TMEM232: variants seen among roughly 807,000 people sequenced by gnomAD.
TMEM232 encodes transmembrane protein 232.
TMEM232 carries 80 observed loss-of-function variants against 78.8 expected under a neutral mutation model. The observed-to-expected ratio is 1.01, with a 90% CI of 0.85 to 1.22. TMEM232 has a LOEUF of 1.22. TMEM232 is among the 50% of genes most tolerant of loss of function. The probability of loss-of-function intolerance (pLI) is 0.00; values close to 1 mark genes in which losing one functional copy is unlikely to be tolerated. For missense variants in TMEM232, 881 were observed against 742.2 expected, an observed-to-expected ratio of 1.19 and a Z score of -2.17; for synonymous variants, 297 against 254.3, an observed-to-expected ratio of 1.17 and a Z score of -1.60.
At chr5:110,728,938 G>C (rs1798414520), upstream of TMEM232, among the ~76,000 whole-genome samples, 1 of 150,854 alleles carries the variant, frequency 6.6e-6, no homozygotes, top group African/African-American at 2.4e-5. Context: ...AGGCTGGAGT[G>C]CAATGGAGCG....
chr5:110,601,644 G>A (rs10064325), intron 10 of TMEM232, among the ~76,000 whole-genome samples: 2 of 152,030 alleles, frequency 1.3e-5, no homozygotes, highest in Admixed American at 1.3e-4. Context: ...GGAAATAAGA[G>A]AGGACACAAA....
chr5:110,440,736 A>G (rs1249987508), intron 12 of TMEM232, among the ~76,000 whole-genome samples: 1 of 152,176 alleles, frequency 6.6e-6, no homozygotes, highest in Non-Finnish European at 1.5e-5. Context: ...ACTTTTCCTC[A>G]GTGTATTGAG....
At chr5:110,394,894 C>T (rs1460051096) in intron 3 of TMEM232, among the ~76,000 whole-genome samples, 2 of 152,220 alleles carry the variant, frequency 1.3e-5, no homozygotes, top group East Asian at 1.9e-4. Context: ...TGCTCTTGCT[C>T]CCCTTCAAGC....
chr5:110,700,694 C>T (rs1197741963), intron 1 of TMEM232, among the ~76,000 whole-genome samples: 2 of 151,620 alleles, frequency 1.3e-5, no homozygotes, highest in South Asian at 2.1e-4. Flanking sequence ...TAAAGAGGGC[C>T]TTTCCCTTGC....
chr5:110,611,166 A>G (rs559749449), intron 8 of TMEM232, among the ~76,000 whole-genome samples: 1 of 152,308 alleles, frequency 6.6e-6, no homozygotes, highest in African/African-American at 2.4e-5. Context: ...AGAACTCAAG[A>G]TTATATTAAC....
intron 12 of TMEM232, among the ~76,000 whole-genome samples, chr5:110,489,728 G>A (rs1764828694): frequency 6.6e-6 from 1 of 152,004 alleles, no homozygotes; most frequent in Admixed American, 6.6e-5. Context: ...TTTGCAGATG[G>A]TATGATCTCA....
intron 11 of TMEM232, among the ~76,000 whole-genome samples, chr5:110,545,182 T>G (rs1476264384): frequency 6.6e-6 from 1 of 152,026 alleles, no homozygotes; most frequent in South Asian, 2.1e-4. Context: ...AAGCATGAAA[T>G]AGTAGAAATA....
chr5:110,556,950 AT>A (rs1775159882), intron 11 of TMEM232, among the ~76,000 whole-genome samples: 1 of 152,170 alleles, frequency 6.6e-6, no homozygotes, highest in African/African-American at 2.4e-5. Flanking sequence ...TTCATTGGCA[AT>A]ATCTTCAAAT....
intron 12 of TMEM232, among the ~76,000 whole-genome samples, chr5:110,479,142 C>T (rs1248966103): frequency 1.3e-5 from 2 of 151,738 alleles, no homozygotes; most frequent in South Asian, 4.2e-4. Flanking sequence ...CAACTCATGA[C>T]TCATAGTAAG....
chr5:110,727,848 T>C (rs900942825), upstream of TMEM232, among the ~76,000 whole-genome samples: 2 of 152,160 alleles, frequency 1.3e-5, no homozygotes, highest in African/African-American at 4.8e-5. Flanking sequence ...AAAAGTGAAA[T>C]TGACAAAGAC....
intron 8 of TMEM232, chr5:110,617,950 C>G (rs540872997): frequency 6.3e-6 from 1 of 159,572 alleles, no homozygotes; most frequent in Non-Finnish European, 1.4e-5. Flanking sequence ...TTGCAGTAAG[C>G]GGAGATCACG....
intron 11 of TMEM232, among the ~76,000 whole-genome samples, chr5:110,530,093 C>G (rs1771209441): frequency 1.3e-5 from 2 of 152,120 alleles, no homozygotes; most frequent in East Asian, 1.9e-4. Flanking sequence ...CTAACTTAAC[C>G]TCTTTCAGGT....
chr5:110,598,943 A>C (rs1780536965), intron 10 of TMEM232, among the ~76,000 whole-genome samples: 1 of 151,486 alleles, frequency 6.6e-6, no homozygotes, highest in South Asian at 2.1e-4. Context: ...GCACACCAGC[A>C]TGGCACATGT....
At position 110,443,376 on chromosome 5, in the gene TMEM232, A is replaced by G. The variant is rs534684342; in HGVS notation, c.1704-18460T>C. Reference sequence around the variant, plus strand: ...TTGTGGCCACTAATACCACTGGCCCATGGGGAATTCTGCCAGGCCACCACT... The same window carrying G: ...TTGTGGCCACTAATACCACTGGCCCGTGGGGAATTCTGCCAGGCCACCACT... On this transcript the variant is annotated intron_variant, in intron 12 of 13. Coordinates refer to ENST00000455884, the MANE Select transcript of TMEM232 (RefSeq NM_001039763.4). 3.3e-5 allele frequency among the ~76,000 whole-genome samples: 5 copies of G among 152,206 alleles called. No individual in the cohort carries two copies. The East Asian group carries it at 9.7e-4, about 29-fold the overall frequency.
At chr5:110,681,100 G>A (rs2150181734) in intron 1 of TMEM232, among the ~76,000 whole-genome samples, 1 of 152,254 alleles carries the variant, frequency 6.6e-6, no homozygotes, top group Middle Eastern at 3.4e-3. Flanking sequence ...AGAGGTTGAG[G>A]AGGAAGGAAA....
At chr5:110,650,947 A>G (rs1373162063) in intron 2 of TMEM232, among the ~76,000 whole-genome samples, 1 of 152,200 alleles carries the variant, frequency 6.6e-6, no homozygotes, top group Non-Finnish European at 1.5e-5. Context: ...TACATTTCTA[A>G]AACTGTTCTA....
rs573828833 is a variant in TMEM232, at chr5:110,605,253, G to C, written c.1132C>G (p.Arg378Gly). ...CAGAAACCAATTAAAGCAGTTTTTC[G>C]CAAATCAGAAGTGGCTGCATACAAG... ...ICLYAATSDL[R>G]KTALIGFCHC... The change falls in exon 10 of 14, where the codon CGA (arginine) becomes GGA (glycine). Residue 378 changes from arginine (R) to glycine (G), a missense_variant. By Grantham distance (125) the Arg-to-Gly change is moderately radical (BLOSUM62 -2). Transcript: ENST00000455884. The C allele has an allele frequency of 6.4e-7, 1 of 1,551,060 alleles. No individual in the cohort carries two copies. Among genetic ancestry groups the C allele is most frequent in the Non-Finnish European group, 8.7e-7 (1 of 1,146,678 alleles).
At chr5:110,474,428 G>GA (rs997574506) in intron 12 of TMEM232, among the ~76,000 whole-genome samples, 69 of 151,298 alleles carry the variant, frequency 4.6e-4, no homozygotes, top group African/African-American at 1.6e-3. Context: ...ATATTCTTGG[G>GA]AAAAAAAACC....
chr5:110,729,577 C>A (rs1313332006), upstream of TMEM232, among the ~76,000 whole-genome samples: 1 of 152,188 alleles, frequency 6.6e-6, no homozygotes, highest in Non-Finnish European at 1.5e-5. Context: ...TCTCAGAACT[C>A]TGTGTTGGAA....
Sources: allele counts gnomAD v4.1 joint callset (sites outside exome capture counted in the v4.1 genomes callset), GRCh38; gene constraint gnomAD v4.1.1; transcripts MANE v1.5; gene names NCBI Gene and HGNC (gene_info 2026-07-23, HGNC 2026-07-21).